The following SPAG17 variants were observed in gnomAD, a reference collection of about 807,000 sequenced individuals.
SPAG17 encodes sperm associated antigen 17.
In SPAG17, 169 loss-of-function variants were observed where a neutral mutation model predicts 273.6. That is an observed-to-expected ratio of 0.62 (90% confidence interval 0.55 to 0.70). The LOEUF is 0.70. Among genes scored for constraint, SPAG17 ranks in the 30% least tolerant of loss-of-function variants. The pLI is 0.00. For missense variants in SPAG17, 2,557 were observed against 2,627.8 expected, an observed-to-expected ratio of 0.97 and a Z score of 0.59; for synonymous variants, 825 against 873.2, an observed-to-expected ratio of 0.94 and a Z score of 0.97.
intron 4 of SPAG17, among the ~76,000 whole-genome samples, chr1:118,107,208 G>T (rs531766999): frequency 1.3e-5 from 2 of 152,212 alleles, no homozygotes; most frequent in African/African-American, 4.8e-5. Context: ...TTATTTCCAT[G>T]ATACTCTTGT....
intron 43 of SPAG17, among the ~76,000 whole-genome samples, chr1:117,974,056 C>T (rs1363785728): frequency 6.6e-6 from 1 of 152,140 alleles, no homozygotes; most frequent in Non-Finnish European, 1.5e-5. Context: ...TTTTAAAAAT[C>T]CAATCCATCA....
At chr1:118,062,617 A>G (rs572851311) in intron 18 of SPAG17, among the ~76,000 whole-genome samples, 2 of 152,156 alleles carry the variant, frequency 1.3e-5, no homozygotes, top group African/African-American at 2.4e-5. Context: ...CTCCATATGC[A>G]TGAAGCCAAA....
intron 18 of SPAG17, among the ~76,000 whole-genome samples, chr1:118,063,251 A>G (rs2102041068): frequency 6.6e-6 from 1 of 152,294 alleles, no homozygotes; most frequent in Non-Finnish European, 1.5e-5. Context: ...GTTCATATGG[A>G]ACCAAAAAAG....
At position 118,005,455 on chromosome 1, in the gene SPAG17, C is replaced by T. The variant is rs368148646; in HGVS notation, c.4735G>A (p.Val1579Ile). Residue 1579 changes from valine (V) to isoleucine (I), a missense_variant, in exon 32 of 49, where the codon GTT becomes ATT. Transcript: ENST00000336338. ...TCAGGATCCAGAACCTCACAGATAA[C>T]CTCTGAAGTATGCCTCATGATGTAC... ...GRYIMRHTSEVICEVLDPEGN... is the reference protein window; with the variant it reads ...GRYIMRHTSEIICEVLDPEGN... The T allele has an allele frequency of 4.3e-6, 7 of 1,613,364 alleles. No individual in the cohort carries two copies. Among genetic ancestry groups the T allele is most frequent in the Non-Finnish European group, 5.1e-6 (6 of 1,179,620 alleles).
chr1:118,097,731 C>A lies in SPAG17; in HGVS notation c.950G>T (p.Arg317Leu). The stretch of plus-strand genomic sequence containing the variant: ...AGCTGCTTTGACCATGTACTCAAGT[C>A]GAGCAACATCAAAGAGATTTGTTTC... Reference protein sequence around the residue: ...KPETNLFDVARLEYMVKAADF... With the variant: ...KPETNLFDVALLEYMVKAADF... Residue 317 changes from arginine to leucine, a missense_variant, in exon 7 of 49, where the codon CGA (arginine) becomes CTA (leucine). Physicochemically the swap from Arg to Leu is moderately radical, Grantham distance 102. Coordinates refer to ENST00000336338, the MANE Select transcript of SPAG17 (RefSeq NM_206996.4). 1 of 1,610,532 alleles carries A rather than the reference C, an allele frequency of 6.2e-7. No individual in the cohort carries two copies. Among genetic ancestry groups the A allele is most frequent in the Non-Finnish European group, 8.5e-7 (1 of 1,178,748 alleles).
Position 118,135,409 on chromosome 1 carries a change from GTA to G in SPAG17, c.315+15132_315+15133del, listed in dbSNP as rs1207521430. Among the ~76,000 whole-genome samples the G allele has an allele frequency of 6.1e-3, 789 of 129,004 alleles. 9 individuals are homozygous for G. The highest frequency in any genetic ancestry group is 0.017 in the African/African-American group (598 of 34,958). 84.6% of individuals were successfully genotyped at this position (129,004 alleles called of 152,430 possible). A position where few individuals can be genotyped will look rare whatever the true frequency, so the allele number is the denominator to read the frequency against. ...TGTGTGTGTGTGTGTGTGTGTGTGT[GTA>G]TGTGTGTGTGTGTGTGTGTGGGGTA... On this transcript the variant is annotated intron_variant, in intron 3 of 48. Transcript: ENST00000336338.
intron 27 of SPAG17, 48 bp from the exon 28 acceptor site, chr1:118,023,511 GTTGT>G: frequency 1.9e-6 from 3 of 1,571,330 alleles, no homozygotes; most frequent in Non-Finnish European, 2.6e-6. Flanking sequence ...CAAGAGAGAG[GTTGT>G]TTAACAATAA....
At chr1:118,115,546 G>A in intron 3 of SPAG17, 105 bp from the exon 4 acceptor site, 1 of 1,179,410 alleles carries the variant, frequency 8.5e-7, no homozygotes, top group Non-Finnish European at 1.2e-6. Context: ...TTGTCATACT[G>A]GAAAGATACT....
At position 117,982,445 on chromosome 1, in the gene SPAG17, G is replaced by T. The variant is rs577419808; in HGVS notation, c.5873-1044C>A. 1.0e-3 allele frequency among the ~76,000 whole-genome samples: 155 copies of T among 152,164 alleles called. 2 individuals carry two copies. Among genetic ancestry groups the T allele is most frequent in the East Asian group, 3.9e-4 (2 of 5,164 alleles). On this transcript the variant is annotated intron_variant, in intron 42 of 48. Transcript: ENST00000336338. Reference sequence around the variant, plus strand: ...TTTAGTAGAGACGGGGTTTCACCGTGTTAGCCAGGATGGTCTCGATCTCCT... The same window carrying T: ...TTTAGTAGAGACGGGGTTTCACCGTTTTAGCCAGGATGGTCTCGATCTCCT...
intron 42 of SPAG17, among the ~76,000 whole-genome samples, chr1:117,983,187 AG>A (rs1352391577): frequency 6.6e-6 from 1 of 152,234 alleles, no homozygotes; most frequent in Non-Finnish European, 1.5e-5. Flanking sequence ...GAGCTTGTGC[AG>A]GGGAACTGCC....
chr1:118,029,430 T>C (rs1455801695), intron 25 of SPAG17, among the ~76,000 whole-genome samples: 2 of 152,150 alleles, frequency 1.3e-5, no homozygotes, highest in African/African-American at 2.4e-5. Flanking sequence ...GAGACCAACA[T>C]CTCCAACATA....
chr1:118,076,825 T>C (rs1030406252), intron 15 of SPAG17, among the ~76,000 whole-genome samples: 2 of 152,114 alleles, frequency 1.3e-5, no homozygotes, highest in African/African-American at 4.8e-5. Context: ...AATGGATGCT[T>C]TCTCATCCCT....
intron 4 of SPAG17, among the ~76,000 whole-genome samples, chr1:118,113,380 C>T (rs1400923783): frequency 5.9e-5 from 9 of 152,094 alleles, no homozygotes; most frequent in Non-Finnish European, 1.0e-4. Flanking sequence ...AACTCCTTGG[C>T]TGACAAGCAT....
At chr1:117,970,369 G>A (rs1654417091) in intron 45 of SPAG17, among the ~76,000 whole-genome samples, 1 of 152,224 alleles carries the variant, frequency 6.6e-6, no homozygotes, top group Non-Finnish European at 1.5e-5. Context: ...GTTACTGGTT[G>A]CTGACGAGCA....
chr1:118,002,987 T>G lies in SPAG17; in HGVS notation c.4776+2427A>C, dbSNP rs571940472. Among the ~76,000 whole-genome samples the G allele has an allele frequency of 1.6e-4, 25 of 152,346 alleles. No individual in the cohort carries two copies. The East Asian group carries it at 2.9e-3, about 18-fold the overall frequency. ...ACTGGTTGTTTCTTTCCATGTTTAG[T>G]GCTTCCTTCGGGTGCTCTTGTAAGG... is the stretch of plus-strand genomic sequence containing the variant. On this transcript the variant is annotated intron_variant, in intron 32 of 48. Coordinates refer to ENST00000336338, the MANE Select transcript of SPAG17 (RefSeq NM_206996.4).
chr1:118,106,260 C>T (rs1446534129), intron 4 of SPAG17, among the ~76,000 whole-genome samples: 1 of 152,154 alleles, frequency 6.6e-6, no homozygotes, highest in Admixed American at 6.5e-5. Context: ...CTATTTATTA[C>T]ATTCTTACTA....
At chr1:118,058,574 G>A (rs1055950710) in intron 18 of SPAG17, among the ~76,000 whole-genome samples, 7 of 152,180 alleles carry the variant, frequency 4.6e-5, no homozygotes, top group African/African-American at 1.7e-4. Context: ...TGTGGCAGAT[G>A]GCAGACTAAG....
At chr1:117,992,311 C>G (rs1242701011) in intron 36 of SPAG17, among the ~76,000 whole-genome samples, 155 bp downstream of exon 36, 1 of 152,140 alleles carries the variant, frequency 6.6e-6, no homozygotes, top group Admixed American at 6.6e-5. Context: ...TAAATATTTT[C>G]TACCTCTCAA....
At position 118,086,080 on chromosome 1, in the gene SPAG17, A is replaced by G; in HGVS notation, c.1612-8T>C. 1.2e-6 allele frequency: 2 copies of G among 1,613,144 alleles called. No individual in the cohort carries two copies. The highest frequency in any genetic ancestry group is 2.2e-5 in the East Asian group (1 of 44,824). ...ATCAAAATTCTTTTGGTCCTGATGA[A>G]AAAGAGCAACATGACAGAAGACATT... On this transcript the variant is annotated splice_region_variant and splice_polypyrimidine_tract_variant and intron_variant, in intron 12 of 48. Coordinates refer to ENST00000336338, the MANE Select transcript of SPAG17 (RefSeq NM_206996.4).
Sources: allele counts gnomAD v4.1 joint callset (sites outside exome capture counted in the v4.1 genomes callset), GRCh38; gene constraint gnomAD v4.1.1; transcripts MANE v1.5; gene names NCBI Gene and HGNC (gene_info 2026-07-23, HGNC 2026-07-21).